The following PSMD7 variants were observed in gnomAD, a reference collection of about 807,000 sequenced individuals.
PSMD7 encodes 26S proteasome non-ATPase regulatory subunit 7.
Under a neutral mutation model 36.4 loss-of-function variants are expected in PSMD7, and 13 were observed. That is an observed-to-expected ratio of 0.36 (90% confidence interval 0.23 to 0.57). The LOEUF (loss-of-function observed/expected upper bound fraction) is 0.57. PSMD7 is among the 20% of genes least tolerant of loss of function. The probability of loss-of-function intolerance (pLI) is 0.83; values close to 1 mark genes in which losing one functional copy is unlikely to be tolerated. For missense variants in PSMD7, 298 were observed against 393.6 expected (o/e 0.76, Z 2.06); for synonymous variants, 186 against 151.0 (o/e 1.23, Z -1.70).
chr16:74,302,543 G>A (rs533016315), intron 5 of PSMD7, among the ~76,000 whole-genome samples: 76 of 152,266 alleles, frequency 5.0e-4, no homozygotes, highest in African/African-American at 1.7e-3. Flanking sequence ...AAGCCTAGGA[G>A]TTGAAGACCA....
intron 6 of PSMD7, 67 bp from the exon 7 acceptor site, chr16:74,305,222 A>T: frequency 6.7e-7 from 1 of 1,481,754 alleles, no homozygotes; most frequent in African/African-American, 1.4e-5. Context: ...TTAGAATGTA[A>T]GAACTTGCCT....
intron 1 of PSMD7, among the ~76,000 whole-genome samples, chr16:74,297,656 T>A (rs571362392): frequency 6.6e-6 from 1 of 152,118 alleles, no homozygotes; most frequent in Non-Finnish European, 1.5e-5. Context: ...TACCTTCATT[T>A]GGCCCTGACC....
intron 1 of PSMD7, among the ~76,000 whole-genome samples, chr16:74,298,156 C>CA (rs75614540): frequency 0.33 from 23,595 of 72,448 alleles, 3,276 homozygotes; most frequent in East Asian, 0.66. Flanking sequence ...ACCCTGTCTC[C>CA]AAAAAAAAAA....
At chr16:74,301,910 CT>C (rs2034158004) in intron 4 of PSMD7, among the ~76,000 whole-genome samples, 3 of 152,094 alleles carry the variant, frequency 2.0e-5, no homozygotes, top group African/African-American at 7.2e-5. Flanking sequence ...AATGAGAAAA[CT>C]GAGGTTCAGA....
At position 74,302,204 on chromosome 16, in the gene PSMD7, T is replaced by C. The variant is rs763200302; in HGVS notation, c.358-8T>C. The C allele has an allele frequency of 6.2e-7, 1 of 1,612,966 alleles. No homozygotes were observed. Among genetic ancestry groups the C allele is most frequent in the East Asian group, 2.2e-5 (1 of 44,886 alleles). ...GAGATGACTTGCTAAGATGTGTTTC[T>C]CTGCCAGGTATTGGTCATCATTGAT... On this transcript the variant is annotated splice_region_variant and splice_polypyrimidine_tract_variant and intron_variant, in intron 4 of 6. Transcript: ENST00000219313.
At chr16:74,298,292 A>G (rs1567524741) in intron 1 of PSMD7, among the ~76,000 whole-genome samples, 4 of 152,028 alleles carry the variant, frequency 2.6e-5, no homozygotes, top group Admixed American at 1.3e-4. Context: ...GGAGTTGTTC[A>G]TCCTGCTAGA....
chr16:74,302,170 G>A, intron 4 of PSMD7, 42 bp from the exon 5 acceptor site: 2 of 1,512,674 alleles, frequency 1.3e-6, no homozygotes, highest in Admixed American at 1.8e-5. Flanking sequence ...CCCCTTTTGT[G>A]CTGGGCGTGA....
chr16:74,300,782 G>A (rs932357100), intron 2 of PSMD7, among the ~76,000 whole-genome samples: 2 of 152,188 alleles, frequency 1.3e-5, no homozygotes, highest in African/African-American at 4.8e-5. Context: ...CTAGAAAACT[G>A]AAAAGCATGT....
Position 74,300,177 on chromosome 16 carries a change from A to G in PSMD7, c.137A>G (p.Lys46Arg), listed in dbSNP as rs760242179. Residue 46 changes from lysine to arginine, a missense_variant, in exon 2 of 7, where the codon AAA (lysine) becomes AGA (arginine). Physicochemically the swap from Lys to Arg is conservative, Grantham distance 26. Coordinates refer to ENST00000219313, the MANE Select transcript of PSMD7 (RefSeq NM_002811.5). ...GTGCTTTTGGGGTCATGGCAAAAGA[A>G]AGTACTTGATGTATCGAACAGTTTT... ...VGVLLGSWQK[K>R]VLDVSNSFAV... 3 of 1,614,178 alleles carry G rather than the reference A, an allele frequency of 1.9e-6. No individual in the cohort carries two copies. The African/African-American group carries it at 4.0e-5, about 22-fold the overall frequency.
At chr16:74,301,196 G>T in intron 3 of PSMD7, 52 bp downstream of exon 3, 2 of 1,259,274 alleles carry the variant, frequency 1.6e-6, no homozygotes, top group Non-Finnish European at 2.3e-6. Context: ...CTGTGTGTAT[G>T]GGGGTCTTCT....
intron 2 of PSMD7, chr16:74,300,488 A>G: frequency 2.3e-6 from 1 of 432,266 alleles, no homozygotes; most frequent in Non-Finnish European, 4.2e-6. Flanking sequence ...ATTCCAGCAA[A>G]CCTCTATAAA....
chr16:74,299,690 G>A (rs539662094), intron 1 of PSMD7: 121 of 371,332 alleles, frequency 3.3e-4, no homozygotes, highest in Non-Finnish European at 5.9e-4. Context: ...CACTGCATCC[G>A]GCCTACTCCA....
Position 74,305,823 on chromosome 16 carries a change from T to A in PSMD7, c.*90T>A. Reference sequence around the variant, plus strand: ...CTAGAGGGTTCTTTTTCACTTGACATGCTTATTAGAAAGCTGACCCAACAA... The same window carrying A: ...CTAGAGGGTTCTTTTTCACTTGACAAGCTTATTAGAAAGCTGACCCAACAA... On this transcript the variant is annotated 3_prime_UTR_variant, in exon 7 of 7. Transcript: ENST00000219313. 7.4e-7 allele frequency: 1 copy of A among 1,351,836 alleles called. No homozygotes were observed. Among genetic ancestry groups the A allele is most frequent in the Non-Finnish European group, 9.5e-7 (1 of 1,051,112 alleles). 83.7% of individuals were successfully genotyped at this position (1,351,836 alleles called of 1,614,324 possible).
chr16:74,304,980 A>G (rs546367485), intron 6 of PSMD7: 2 of 264,084 alleles, frequency 7.6e-6, no homozygotes, highest in African/African-American at 4.5e-5. Context: ...CCAGAAAGTT[A>G]TTGGTAGATC....
At chr16:74,302,515 G>T (rs527280716) in intron 5 of PSMD7, among the ~76,000 whole-genome samples, 7 of 152,258 alleles carry the variant, frequency 4.6e-5, no homozygotes, top group Admixed American at 1.3e-4. Flanking sequence ...TTGAGAGGCC[G>T]AGGTGGGAGG....
At chr16:74,297,349 G>A (rs2034121787) in intron 1 of PSMD7, among the ~76,000 whole-genome samples, 1 of 151,650 alleles carries the variant, frequency 6.6e-6, no homozygotes, top group African/African-American at 2.4e-5. Flanking sequence ...CCCCAAGCTC[G>A]TGTCTGTCAC....
intron 5 of PSMD7, among the ~76,000 whole-genome samples, chr16:74,302,608 T>C (rs2034164113): frequency 6.6e-6 from 1 of 152,110 alleles, no homozygotes; most frequent in Non-Finnish European, 1.5e-5. Context: ...CCAGGCATGA[T>C]GGTCCATGCC....
Position 74,305,913 on chromosome 16 carries a change from A to T in PSMD7, c.*180A>T. ...TGGAAGTGAATGGAGACTGATCTCAAATCTGAACTGCAGCTTTCGCTGCTG... is the reference window on the plus strand; with the variant it reads ...TGGAAGTGAATGGAGACTGATCTCATATCTGAACTGCAGCTTTCGCTGCTG... On this transcript the variant is annotated 3_prime_UTR_variant, in exon 7 of 7. Transcript: ENST00000219313. 1.8e-6 allele frequency: 1 copy of T among 562,104 alleles called. No individual in the cohort carries two copies. The highest frequency in any genetic ancestry group is 4.1e-5 in the Admixed American group (1 of 24,560). The allele number at this position is 562,104 out of a possible 1,614,324, so 34.8% of individuals were successfully genotyped here.
intron 2 of PSMD7, 109 bp from the exon 3 acceptor site, chr16:74,300,943 G>A: frequency 3.6e-6 from 2 of 560,108 alleles, no homozygotes; most frequent in East Asian, 3.2e-5. Context: ...ACTTTGCTGG[G>A]CAAGTGAAAC....
Sources: allele counts gnomAD v4.1 joint callset (sites outside exome capture counted in the v4.1 genomes callset), GRCh38; gene constraint gnomAD v4.1.1; transcripts MANE v1.5; gene names NCBI Gene and HGNC (gene_info 2026-07-23, HGNC 2026-07-21).